The following WWOX variants were observed in gnomAD, a reference collection of about 807,000 sequenced individuals.
WWOX encodes WW domain containing oxidoreductase, also known as WW domain-containing oxidoreductase.
Under a neutral mutation model 46.2 loss-of-function variants are expected in WWOX, and 69 were observed. That is an observed-to-expected ratio of 1.49 (90% CI 1.23 to 1.82). The LOEUF (loss-of-function observed/expected upper bound fraction) is 1.82. Among genes scored for constraint, WWOX ranks in the 40% most tolerant of loss-of-function variants. The pLI is 0.00. For synonymous variants in WWOX, 359 were observed against 202.6 expected, an observed-to-expected ratio of 1.77 and a Z score of -6.56; for missense variants, 919 against 542.6, an observed-to-expected ratio of 1.69 and a Z score of -6.89.
At chr16:78,842,118 A>C (rs924478511) in intron 8 of WWOX, among the ~76,000 whole-genome samples, 1 of 152,208 alleles carries the variant, frequency 6.6e-6, no homozygotes, top group Non-Finnish European at 1.5e-5. Context: ...TAGAGAGATC[A>C]GCAATGTATC....
At position 78,326,066 on chromosome 16, in the gene WWOX, A is replaced by G. The variant is rs560790410; in HGVS notation, c.517-60794A>G. Among the ~76,000 whole-genome samples, 387 of 152,202 alleles carry G rather than the reference A, an allele frequency of 2.5e-3. 2 individuals carry two copies. The highest frequency in any genetic ancestry group is 9.1e-3 in the African/African-American group (376 of 41,526). On this transcript the variant is annotated intron_variant, in intron 5 of 8. Coordinates refer to ENST00000566780, the MANE Select transcript of WWOX (RefSeq NM_016373.4). The stretch of plus-strand genomic sequence containing the variant: ...CCCTTAAGCAGAAGGGGGAGGTAGG[A>G]GTGAATCTCTGTCTGCCTCTAAACT...
chr16:78,425,649 A>T (rs886993721), intron 7 of WWOX, among the ~76,000 whole-genome samples: 1 of 152,158 alleles, frequency 6.6e-6, no homozygotes, highest in Non-Finnish European at 1.5e-5. Flanking sequence ...ACATTTGAAA[A>T]TTTCCTCGTA....
chr16:78,524,463 C>G (rs1270354986), intron 8 of WWOX, among the ~76,000 whole-genome samples: 1 of 151,736 alleles, frequency 6.6e-6, no homozygotes, highest in Middle Eastern at 3.2e-3. Flanking sequence ...CTCTTTTGCC[C>G]AAGCTGGAGT....
At chr16:78,995,047 C>G (rs929760796) in intron 8 of WWOX, among the ~76,000 whole-genome samples, 4 of 144,674 alleles carry the variant, frequency 2.8e-5, no homozygotes. Context: ...GAAAGGATTC[C>G]CAGTCCCCCT....
chr16:78,528,633 C>G (rs749820059), intron 8 of WWOX, among the ~76,000 whole-genome samples: 1 of 152,132 alleles, frequency 6.6e-6, no homozygotes, highest in African/African-American at 2.4e-5. Context: ...AGGCTTAATG[C>G]TTTCTTGTTT....
In WWOX at chr16:79,206,469, C is replaced by G. The variant is rs778546964; in HGVS notation, c.1057-5139C>G. On this transcript the variant is annotated intron_variant, in intron 8 of 8. Coordinates refer to ENST00000566780, the MANE Select transcript of WWOX (RefSeq NM_016373.4). The stretch of plus-strand genomic sequence containing the variant: ...GCTTCTCTCTAAATAAATGGAAATA[C>G]TAACTGTCCCTGGCTCATAGAGCTC... 2.6e-5 allele frequency: 4 copies of G among 152,326 alleles called. No individual in the cohort carries two copies. In the East Asian group the frequency reaches 7.7e-4, roughly 29 times the overall value. The allele number at this position is 152,326 out of a possible 1,614,324, so 9.4% of individuals were successfully genotyped here.
chr16:78,836,072 T>C (rs1041953334), intron 8 of WWOX, among the ~76,000 whole-genome samples: 1 of 152,214 alleles, frequency 6.6e-6, no homozygotes, highest in Non-Finnish European at 1.5e-5. Context: ...GTTCTATTGA[T>C]TTCGTTGAGA....
intron 8 of WWOX, among the ~76,000 whole-genome samples, chr16:78,473,218 C>T (rs778211345): frequency 8.5e-5 from 13 of 152,216 alleles, no homozygotes; most frequent in East Asian, 1.9e-4. Context: ...CGGCCTGCAT[C>T]TCCCACGTTC....
At chr16:78,760,338 C>A (rs1375659695) in intron 8 of WWOX, among the ~76,000 whole-genome samples, 2 of 152,160 alleles carry the variant, frequency 1.3e-5, no homozygotes, top group Non-Finnish European at 2.9e-5. Flanking sequence ...ATTATGGGAG[C>A]TACAATTCAA....
chr16:78,286,702 A>C (rs1288409984), intron 5 of WWOX, among the ~76,000 whole-genome samples: 1 of 152,156 alleles, frequency 6.6e-6, no homozygotes. Flanking sequence ...GTAAAAAATA[A>C]AATAAAATAA....
intron 8 of WWOX, among the ~76,000 whole-genome samples, chr16:79,109,858 G>A (rs2049383135): frequency 6.6e-6 from 1 of 152,152 alleles, no homozygotes; most frequent in Non-Finnish European, 1.5e-5. Flanking sequence ...AAGCATGCAT[G>A]TTACTGCAGT....
chr16:78,486,906 G>A (rs924689222), intron 8 of WWOX, among the ~76,000 whole-genome samples: 1 of 152,144 alleles, frequency 6.6e-6, no homozygotes, highest in Non-Finnish European at 1.5e-5. Context: ...CCTTGGGTTC[G>A]GGTGAAGTTG....
At chr16:78,993,246 C>T (rs59903179) in intron 8 of WWOX, among the ~76,000 whole-genome samples, 10 of 149,482 alleles carry the variant, frequency 6.7e-5, no homozygotes, top group East Asian at 2.0e-4. Flanking sequence ...ATAACGGCGC[C>T]GAAACTTTAC....
intron 8 of WWOX, among the ~76,000 whole-genome samples, chr16:78,780,019 T>G (rs538402318): frequency 6.6e-6 from 1 of 152,334 alleles, no homozygotes; most frequent in African/African-American, 2.4e-5. Flanking sequence ...ACATAGTCAA[T>G]GGCAGTACCC....
chr16:78,582,609 A>G (rs962695412), intron 8 of WWOX, among the ~76,000 whole-genome samples: 1 of 152,290 alleles, frequency 6.6e-6, no homozygotes, highest in African/African-American at 2.4e-5. Flanking sequence ...AACTGTCATC[A>G]GTCTATTGGT....
intron 4 of WWOX, among the ~76,000 whole-genome samples, chr16:78,122,381 T>C (rs2033139391): frequency 6.6e-6 from 1 of 152,150 alleles, no homozygotes. Context: ...GCATAACAAA[T>C]GAGAGTCATA....
At chr16:78,771,371 CA>C (rs1011807631) in intron 8 of WWOX, among the ~76,000 whole-genome samples, 3 of 152,106 alleles carry the variant, frequency 2.0e-5, no homozygotes, top group African/African-American at 4.8e-5. Context: ...AATATATGTT[CA>C]AAGGTGGTTA....
rs116263763 is a variant in WWOX, at chr16:78,114,401, C to T, written c.231-575C>T. Among the ~76,000 whole-genome samples the T allele has an allele frequency of 6.4e-3, 967 of 152,214 alleles. 11 individuals are homozygous for T. Among genetic ancestry groups the T allele is most frequent in the African/African-American group, 0.023 (935 of 41,528 alleles). On this transcript the variant is annotated intron_variant, in intron 3 of 8. Transcript: ENST00000566780. ...AGGCGTGAGCCACTGTGCCCAGCCTCCAGTATATTTTAATACCATTTCTAC... is the reference window on the plus strand; with the variant it reads ...AGGCGTGAGCCACTGTGCCCAGCCTTCAGTATATTTTAATACCATTTCTAC...
chr16:78,959,483 C>G (rs1289711610), intron 8 of WWOX, among the ~76,000 whole-genome samples: 1 of 152,184 alleles, frequency 6.6e-6, no homozygotes, highest in Non-Finnish European at 1.5e-5. Context: ...GGTTAGCCAT[C>G]CATCTATCTG....
Sources: gnomAD v4.1 joint callset for allele counts (sites outside exome capture counted in the v4.1 genomes callset) on GRCh38, gnomAD v4.1.1 for gene constraint, MANE v1.5 for transcripts, NCBI Gene and HGNC (gene_info 2026-07-23, HGNC 2026-07-21) for gene names.